The following DIP2A variants were observed in gnomAD, a reference collection of about 807,000 sequenced individuals.
DIP2A encodes the protein DIP2 acetate--CoA ligase A, also known as disco-interacting protein 2 homolog A.
DIP2A carries 85 observed loss-of-function variants against 177.4 expected under a neutral mutation model. The ratio of observed to expected loss-of-function variants is 0.48; its 90% confidence interval spans 0.40 to 0.57. The LOEUF (loss-of-function observed/expected upper bound fraction) is 0.57. Among genes scored for constraint, DIP2A ranks in the 20% least tolerant of loss-of-function variants. The probability of loss-of-function intolerance (pLI) is 0.00; values close to 1 mark genes in which losing one functional copy is unlikely to be tolerated. For missense variants in DIP2A, 1,791 were observed against 2,100.2 expected, an observed-to-expected ratio of 0.85 and a Z score of 2.88; for synonymous variants, 886 against 881.8, an observed-to-expected ratio of 1.00 and a Z score of -0.08.
intron 3 of DIP2A, among the ~76,000 whole-genome samples, chr21:46,495,281 T>TCTCTCTCTCTC (rs1555883154): frequency 4.1e-5 from 6 of 147,572 alleles, no homozygotes; most frequent in Non-Finnish European, 6.0e-5. Context: ...TCTCTCTCTG[T>TCTCTCTCTCTC]TTTTGAGATG....
At chr21:46,513,420 G>A (rs891195139) in intron 8 of DIP2A, among the ~76,000 whole-genome samples, 12 of 152,078 alleles carry the variant, frequency 7.9e-5, no homozygotes, top group African/African-American at 2.4e-4. Context: ...ATGTACTTGC[G>A]GGTCTGTTTC....
intron 18 of DIP2A, among the ~76,000 whole-genome samples, chr21:46,544,623 A>G (rs1206817722): frequency 6.6e-6 from 1 of 152,232 alleles, no homozygotes; most frequent in African/African-American, 2.4e-5. Context: ...CTCCATGAAG[A>G]TATCCTAGAG....
Position 46,550,527 on chromosome 21 carries a change from G to C in DIP2A, c.2638-16G>C. The C allele has an allele frequency of 1.7e-5, 27 of 1,607,436 alleles. No homozygotes were observed. The highest frequency in any genetic ancestry group is 2.1e-5 in the Non-Finnish European group (25 of 1,177,004). ...CAAGTTGGGGGCCTGTGCCAAACAG[G>C]GTCCTTCCCTTTCAGGCCATTGATA... On this transcript the variant is annotated splice_polypyrimidine_tract_variant and intron_variant, in intron 22 of 37. Transcript: ENST00000417564.
chr21:46,563,109 GAGA>G lies in DIP2A; in HGVS notation c.4090-745_4090-743del. 6.6e-6 allele frequency among the ~76,000 whole-genome samples: 1 copy of G among 152,306 alleles called. No homozygotes were observed. Among genetic ancestry groups the G allele is most frequent in the Non-Finnish European group, 1.5e-5 (1 of 68,012 alleles). On this transcript the variant is annotated intron_variant, in intron 34 of 37. Coordinates refer to ENST00000417564, the MANE Select transcript of DIP2A (RefSeq NM_015151.4). This position sits in a 1 kb window ranked among gnomAD's most constrained non-coding sequence, Gnocchi z 4.3. ...TTGGGGCTCAGCTGGGACATGCAGG[GAGA>G]AGATGGAGGCTCCAACAGCATCTGG...
At position 46,462,139 on chromosome 21, in the gene DIP2A, T is replaced by G. The variant is rs978926248; in HGVS notation, c.91+2917T>G. On this transcript the variant is annotated intron_variant, in intron 1 of 37. Transcript: ENST00000417564. ...GCTCTGGCTTCTTGGCTTCTTTCCC[T>G]GCTCCTAGACTGGCCTGACACTTTT... 1.3e-5 allele frequency among the ~76,000 whole-genome samples: 2 copies of G among 152,222 alleles called. 1 individual carries two copies. The highest frequency in any genetic ancestry group is 4.8e-5 in the African/African-American group (2 of 41,458).
In DIP2A at chr21:46,476,652, ATT is replaced by A. The variant is rs111428142; in HGVS notation, c.92-8088_92-8087del. ...CGTCTTCTAGTCATAGCATCACTCT[ATT>A]TTTTTTTTTTTTTTTTGGAGACAGA... is the stretch of plus-strand genomic sequence containing the variant. On this transcript the variant is annotated intron_variant, in intron 1 of 37. Coordinates refer to ENST00000417564, the MANE Select transcript of DIP2A (RefSeq NM_015151.4). 7.8e-4 allele frequency among the ~76,000 whole-genome samples: 101 copies of A among 129,828 alleles called. 1 individual carries two copies. In the Middle Eastern group the frequency reaches 0.012, roughly 16 times the overall value. 85.2% of individuals were successfully genotyped at this position (129,828 alleles called of 152,430 possible). A position where few individuals can be genotyped will look rare whatever the true frequency, so the allele number is the denominator to read the frequency against.
intron 1 of DIP2A, among the ~76,000 whole-genome samples, chr21:46,464,817 CTT>C (rs1168153777): frequency 4.8e-4 from 35 of 73,434 alleles, no homozygotes; most frequent in East Asian, 3.4e-3. Flanking sequence ...ATATTCATGT[CTT>C]TTTTTTTTTT....
chr21:46,533,728 G>T, intron 11 of DIP2A, 81 bp downstream of exon 11: 2 of 1,578,192 alleles, frequency 1.3e-6, no homozygotes, highest in South Asian at 2.3e-5. Context: ...AATTAAACAT[G>T]ACAGAGGTGT....
Position 46,557,077 on chromosome 21 carries a change from C to T in DIP2A, c.3629+8C>T, listed in dbSNP as rs770912669. The T allele has an allele frequency of 4.4e-6, 7 of 1,596,826 alleles. No homozygotes were observed. Among genetic ancestry groups the T allele is most frequent in the South Asian group, 1.1e-5 (1 of 89,220 alleles). On this transcript the variant is annotated splice_region_variant and intron_variant, in intron 30 of 37. Coordinates refer to ENST00000417564, the MANE Select transcript of DIP2A (RefSeq NM_015151.4). This position sits in a 1 kb window ranked among gnomAD's most constrained non-coding sequence, Gnocchi z 6.0. Reference sequence around the variant, plus strand: ...CCTGTGGTGTCTGTGCAGGTGAGTGCAGGGCCCCTGCTGCCTGCCAGGTGG... The same window carrying T: ...CCTGTGGTGTCTGTGCAGGTGAGTGTAGGGCCCCTGCTGCCTGCCAGGTGG...
At chr21:46,525,567 C>T (rs1483067453) in intron 8 of DIP2A, 1 of 152,160 alleles carries the variant, frequency 6.6e-6, no homozygotes, top group Non-Finnish European at 1.5e-5. Flanking sequence ...TAAGTCTTGA[C>T]ATCTGTAGAG....
At position 46,529,144 on chromosome 21, in the gene DIP2A, G is replaced by T. The variant is rs1176952837; in HGVS notation, c.1155G>T (p.Leu385=). 6.5e-7 allele frequency: 1 copy of T among 1,535,398 alleles called. No individual in the cohort carries two copies. The highest frequency in any genetic ancestry group is 2.1e-5 in the Admixed American group (1 of 48,048). The part of the protein sequence containing the change: ...LKLAYTLLNK[L]TSKNEPLLKP... ...TAGCTTATACTCTACTTAATAAACT[G>T]ACAAGTAAGAATGAACCTCTACTTA... The change falls in exon 9 of 38, where the codon CTG becomes CTT. Residue 385 remains leucine (L), a synonymous_variant. Coordinates refer to ENST00000417564, the MANE Select transcript of DIP2A (RefSeq NM_015151.4).
intron 1 of DIP2A, among the ~76,000 whole-genome samples, chr21:46,464,165 G>A (rs1030607287): frequency 4.0e-5 from 6 of 151,492 alleles, no homozygotes; most frequent in Admixed American, 6.6e-5. Context: ...AGGCTGAGGC[G>A]GGTGGATCAC....
chr21:46,554,479 G>A lies in DIP2A; in HGVS notation c.3155-96G>A. 3 of 1,551,844 alleles carry A rather than the reference G, an allele frequency of 1.9e-6. No individual in the cohort carries two copies. In the South Asian group the frequency reaches 3.6e-5, roughly 19 times the overall value. ...CCCAGGAGTCACCCATGCCCCCCCA[G>A]CACCACCTCCCCTCCTCTCTCGCAG... is the stretch of plus-strand genomic sequence containing the variant. On this transcript the variant is annotated intron_variant, in intron 26 of 37. Coordinates refer to ENST00000417564, the MANE Select transcript of DIP2A (RefSeq NM_015151.4).
chr21:46,542,051 C>T (rs1314566720), intron 18 of DIP2A, among the ~76,000 whole-genome samples, 156 bp downstream of exon 18: 3 of 152,136 alleles, frequency 2.0e-5, no homozygotes, highest in Non-Finnish European at 4.4e-5. Flanking sequence ...CAGGTTCAAG[C>T]GATTCTCCTG....
intron 3 of DIP2A, among the ~76,000 whole-genome samples, chr21:46,495,561 C>G (rs1335738191): frequency 6.6e-6 from 1 of 151,660 alleles, no homozygotes; most frequent in Non-Finnish European, 1.5e-5. Flanking sequence ...AGCCACTGTG[C>G]CCATCCTCTC....
At chr21:46,572,966 A>G (rs1008347546), downstream of DIP2A, among the ~76,000 whole-genome samples, 2 of 152,180 alleles carry the variant, frequency 1.3e-5, no homozygotes, top group African/African-American at 4.8e-5. Flanking sequence ...AGGCTATATC[A>G]TATAGCCTAG....
chr21:46,516,784 C>T (rs1308989644), intron 8 of DIP2A, among the ~76,000 whole-genome samples: 1 of 151,972 alleles, frequency 6.6e-6, no homozygotes, highest in Non-Finnish European at 1.5e-5. Context: ...TGAGCCACCG[C>T]TCTTGGCCCT....
At chr21:46,534,514 A>T in intron 12 of DIP2A, 71 bp from the exon 13 acceptor site, 1 of 1,405,910 alleles carries the variant, frequency 7.1e-7, no homozygotes, top group Non-Finnish European at 9.9e-7. Context: ...TGAAGATTCT[A>T]CCAGTTTCCA....
chr21:46,473,243 G>A (rs2055550957), intron 1 of DIP2A, among the ~76,000 whole-genome samples: 1 of 152,060 alleles, frequency 6.6e-6, no homozygotes, highest in Non-Finnish European at 1.5e-5. Context: ...TTTAATTAAA[G>A]GCTATGGGGC....
Sources: gnomAD v4.1 joint callset for allele counts (sites outside exome capture counted in the v4.1 genomes callset) on GRCh38, gnomAD v4.1.1 for gene constraint, Gnocchi (gnomAD v3.1) non-coding constraint, MANE v1.5 for transcripts, NCBI Gene and HGNC (gene_info 2026-07-23, HGNC 2026-07-21) for gene names.